The following COL23A1 variants were observed in gnomAD, a reference collection of about 807,000 sequenced individuals.
COL23A1 encodes collagen type XXIII alpha 1 chain, also known as collagen alpha-1(XXIII) chain.
Under a neutral mutation model 99.3 loss-of-function variants are expected in COL23A1, and 97 were observed. The observed-to-expected ratio is 0.98, with a 90% CI of 0.83 to 1.16. The LOEUF is 1.16. Ranked by LOEUF, COL23A1 falls within the 50% of genes most tolerant of loss-of-function variation. The pLI is 0.00. For missense variants in COL23A1, 762 were observed against 757.4 expected, an observed-to-expected ratio of 1.01 and a Z score of -0.07; for synonymous variants, 320 against 308.2, an observed-to-expected ratio of 1.04 and a Z score of -0.40.
At chr5:178,261,675 C>T (rs1043212279) in intron 11 of COL23A1, 47 bp downstream of exon 11, 20 of 1,429,324 alleles carry the variant, frequency 1.4e-5, no homozygotes, top group Non-Finnish European at 1.9e-5. Context: ...TGGGGGAGTC[C>T]ATCCCACCAG....
intron 1 of COL23A1, among the ~76,000 whole-genome samples, chr5:178,583,866 C>CG (rs1439601768): frequency 6.6e-6 from 1 of 152,112 alleles, no homozygotes; most frequent in Non-Finnish European, 1.5e-5. Flanking sequence ...GCTTTCTCCC[C>CG]AATTTTTATT....
intron 2 of COL23A1, among the ~76,000 whole-genome samples, chr5:178,332,947 GGTTT>G (rs1371089666): frequency 6.6e-6 from 1 of 151,790 alleles, no homozygotes; most frequent in Admixed American, 6.6e-5. Flanking sequence ...TTTGACTCAT[GGTTT>G]GTTTTTTTTT....
rs1767547694 is a variant in COL23A1, at chr5:178,452,576, C to T, written c.361+108106G>A. ...TAATGACACACTGGGAAGAAATACACTCCATTCATTCATAACAGAGCTTAT... is the reference window on the plus strand; with the variant it reads ...TAATGACACACTGGGAAGAAATACATTCCATTCATTCATAACAGAGCTTAT... On this transcript the variant is annotated intron_variant, in intron 2 of 28. Transcript: ENST00000390654. 2.0e-5 allele frequency among the ~76,000 whole-genome samples: 3 copies of T among 152,230 alleles called. 1 individual carries two copies. Among genetic ancestry groups the T allele is most frequent in the African/African-American group, 7.2e-5 (3 of 41,460 alleles).
intron 2 of COL23A1, among the ~76,000 whole-genome samples, chr5:178,425,483 C>T (rs189095010): frequency 1.3e-4 from 19 of 151,648 alleles, no homozygotes; most frequent in Admixed American, 6.6e-4. Context: ...AAAATAAAGC[C>T]AATGGTGGCT....
rs983818248 is a variant in COL23A1, at chr5:178,393,185, T to C, written c.362-86266A>G. 2.0e-5 allele frequency among the ~76,000 whole-genome samples: 3 copies of C among 152,178 alleles called. No individual in the cohort carries two copies. The East Asian group carries it at 5.8e-4, about 29-fold the overall frequency. On this transcript the variant is annotated intron_variant, in intron 2 of 28. Transcript: ENST00000390654. ...CCTGGCAGGGAGCATTAGCCTTAAA[T>C]GGAATAGTTTTCAGCCTTAAAAAGG...
chr5:178,254,911 G>A (rs569254999), intron 16 of COL23A1, 38 bp downstream of exon 16: 16 of 1,550,068 alleles, frequency 1.0e-5, no homozygotes, highest in Admixed American at 3.4e-5. Flanking sequence ...AGGAAAAATC[G>A]TATCTAAGGC....
In COL23A1 at chr5:178,242,080, C is replaced by A; in HGVS notation, c.1543G>T (p.Glu515Ter). Residue 515 changes from glutamate (E) to a stop codon, truncating the protein, a stop_gained, in exon 27 of 29, where the codon GAG (glutamate) becomes TAG (stop). Transcript: ENST00000390654. LOFTEE classifies it high-confidence loss of function. ...GRKGVKGQKG[E>*]PGPPGLDQPC... ...TGGTCCAGGCCTGGTGGTCCCGGCT[C>A]GCCCTTCTGGCCCTTCACTCCTTTC... 1 of 1,554,086 alleles carries A rather than the reference C, an allele frequency of 6.4e-7. No individual in the cohort carries two copies. The highest frequency in any genetic ancestry group is 8.7e-7 in the Non-Finnish European group (1 of 1,148,434).
chr5:178,271,673 A>C (rs532799742), intron 5 of COL23A1, among the ~76,000 whole-genome samples: 22 of 152,324 alleles, frequency 1.4e-4, no homozygotes, highest in African/African-American at 4.6e-4. Context: ...CAAGAACGAT[A>C]ATGCTGCAAA....
Position 178,571,204 on chromosome 5 carries a change from A to T in COL23A1, c.295-10456T>A, listed in dbSNP as rs964030509. Among the ~76,000 whole-genome samples the T allele has an allele frequency of 1.6e-4, 24 of 152,076 alleles. 1 individual carries two copies. The highest frequency in any genetic ancestry group is 5.6e-4 in the African/African-American group (23 of 41,408). On this transcript the variant is annotated intron_variant, in intron 1 of 28. Transcript: ENST00000390654. The stretch of plus-strand genomic sequence containing the variant: ...TGATGACACCCAGTGTCTACTAAAA[A>T]TACAAAAATTAGCCGGGCATAGTGG...
chr5:178,374,523 G>A (rs1477834049), intron 2 of COL23A1, among the ~76,000 whole-genome samples: 1 of 152,154 alleles, frequency 6.6e-6, no homozygotes, highest in South Asian at 2.1e-4. Context: ...TTGCATTCCA[G>A]CTCTGCCACC....
rs1039182735 is a variant in COL23A1, at chr5:178,307,609, C to T, written c.362-690G>A. Among the ~76,000 whole-genome samples the T allele has an allele frequency of 1.3e-5, 2 of 152,230 alleles. No individual in the cohort carries two copies. The highest frequency in any genetic ancestry group is 2.9e-5 in the Non-Finnish European group (2 of 68,040). On this transcript the variant is annotated intron_variant, in intron 2 of 28. Coordinates refer to ENST00000390654, the MANE Select transcript of COL23A1 (RefSeq NM_173465.4). The surrounding 1 kb of genome is among the most constrained non-coding windows in gnomAD (Gnocchi z 4.2). ...CTCTGGCCCTCTGCCCACATCAGAC[C>T]CTGAGACCAGAGTAACCTCAGCGCT...
At chr5:178,465,217 T>A (rs1194437092) in intron 2 of COL23A1, among the ~76,000 whole-genome samples, 1 of 152,138 alleles carries the variant, frequency 6.6e-6, no homozygotes, top group African/African-American at 2.4e-5. Flanking sequence ...GGCCTTCCAG[T>A]TGTTAATCAG....
chr5:178,323,685 T>TC (rs1430622531), intron 2 of COL23A1, among the ~76,000 whole-genome samples: 1 of 152,080 alleles, frequency 6.6e-6, no homozygotes, highest in Non-Finnish European at 1.5e-5. Flanking sequence ...CTTGGCTGCT[T>TC]CTAGAGCTCT....
intron 2 of COL23A1, among the ~76,000 whole-genome samples, chr5:178,374,494 G>A (rs1321557987): frequency 6.6e-6 from 1 of 152,174 alleles, no homozygotes; most frequent in East Asian, 1.9e-4. Context: ...CATGGGCTTG[G>A]GAACCAGACT....
chr5:178,522,930 C>T (rs1252199466), intron 2 of COL23A1, among the ~76,000 whole-genome samples: 3 of 151,600 alleles, frequency 2.0e-5, no homozygotes, highest in South Asian at 4.2e-4. Context: ...GAGATCATTT[C>T]GGGAATGAGT....
intron 2 of COL23A1, among the ~76,000 whole-genome samples, chr5:178,345,828 T>C (rs901905763): frequency 9.9e-5 from 15 of 152,080 alleles, no homozygotes; most frequent in South Asian, 2.1e-4. Flanking sequence ...CCCGGACTTT[T>C]TGAAACCATT....
intron 1 of COL23A1, among the ~76,000 whole-genome samples, chr5:178,563,567 T>C (rs1374806744): frequency 7.3e-6 from 1 of 136,302 alleles, no homozygotes; most frequent in East Asian, 2.3e-4. Context: ...GGTCTCACTC[T>C]GTCATCCAGG....
intron 2 of COL23A1, among the ~76,000 whole-genome samples, chr5:178,416,646 C>T (rs1281254560): frequency 6.6e-6 from 1 of 152,190 alleles, no homozygotes; most frequent in African/African-American, 2.4e-5. Flanking sequence ...CTCACTTAAT[C>T]GTTTCAAGCC....
chr5:178,435,443 A>C (rs930653171), intron 2 of COL23A1, among the ~76,000 whole-genome samples: 2 of 152,006 alleles, frequency 1.3e-5, no homozygotes, highest in Admixed American at 6.5e-5. Flanking sequence ...CTGGGTGCGG[A>C]GCCCTGAGCT....
Sources: gnomAD v4.1 joint callset for allele counts (sites outside exome capture counted in the v4.1 genomes callset) on GRCh38, gnomAD v4.1.1 for gene constraint, Gnocchi (gnomAD v3.1) non-coding constraint, MANE v1.5 for transcripts, NCBI Gene and HGNC (gene_info 2026-07-23, HGNC 2026-07-21) for gene names.